VAC14: variants seen among roughly 807,000 people sequenced by gnomAD.
VAC14 encodes the protein VAC14 component of PIKFYVE complex.
Under a neutral mutation model 85.3 loss-of-function variants are expected in VAC14, and 47 were observed. The observed-to-expected ratio is 0.55, with a 90% CI of 0.44 to 0.70. The LOEUF (loss-of-function observed/expected upper bound fraction) is 0.70. Among genes scored for constraint, VAC14 ranks in the 30% least tolerant of loss-of-function variants. The pLI is 0.00. For synonymous variants in VAC14, 447 were observed against 430.5 expected, an observed-to-expected ratio of 1.04 and a Z score of -0.47; for missense variants, 861 against 1,004.3, an observed-to-expected ratio of 0.86 and a Z score of 1.93.
Position 70,780,845 on chromosome 16 carries a change from C to G in VAC14, c.1041G>C (p.Arg347Ser), listed in dbSNP as rs757489732. 12 of 1,613,768 alleles carry G rather than the reference C, an allele frequency of 7.4e-6. No individual in the cohort carries two copies. The highest frequency in any genetic ancestry group is 1.0e-5 in the Non-Finnish European group (12 of 1,179,854). Residue 347 changes from arginine (R) to serine (S), a missense_variant, in exon 9 of 19, where the codon AGG becomes AGC. Coordinates refer to ENST00000261776, the MANE Select transcript of VAC14 (RefSeq NM_018052.5). ...CATCGTCAGGGGTGGGCTCTGCCTG[C>G]CTCTGCCCAGGTCTCAGCTCATCCA... ...DELDELRPGQ[R>S]QAEPTPDDAL... is the part of the protein sequence containing the mutation.
chr16:70,748,839 G>C lies in VAC14; in HGVS notation c.1372-4260C>G, dbSNP rs530836979. 3.3e-5 allele frequency among the ~76,000 whole-genome samples: 5 copies of C among 151,138 alleles called. No individual in the cohort carries two copies. The South Asian group carries it at 1.1e-3, about 32-fold the overall frequency. ...TGCGAATCTGTAATCCTAGCTACTC[G>C]GGAGGCTGAGGCAGGAGAATTGCTT... On this transcript the variant is annotated intron_variant, in intron 12 of 18. Transcript: ENST00000261776.
In VAC14 at chr16:70,800,845, T is replaced by A; in HGVS notation, c.56A>T (p.Asn19Ile). 2 of 1,609,406 alleles carry A rather than the reference T, an allele frequency of 1.2e-6. No individual in the cohort carries two copies. The highest frequency in any genetic ancestry group is 1.7e-6 in the Non-Finnish European group (2 of 1,177,956). The part of the protein sequence containing the change: ...PLTPNIVRAL[N>I]DKLYEKRKVA... ...CTTCCGCTTTTCGTACAGCTTGTCA[T>A]TGAGGGCGCGCACGATGTTAGGCGT... is the stretch of plus-strand genomic sequence containing the variant. Residue 19 changes from asparagine (N) to isoleucine (I), a missense_variant, in exon 1 of 19, where the codon AAT becomes ATT. By Grantham distance (149) the Asn-to-Ile change is moderately radical. Coordinates refer to ENST00000261776, the MANE Select transcript of VAC14 (RefSeq NM_018052.5).
chr16:70,784,182 G>A lies in VAC14; in HGVS notation c.525C>T (p.Ser175=), dbSNP rs370053613. Residue 175 remains serine (S), a synonymous_variant, in exon 5 of 19, where the codon AGC becomes AGT. Transcript: ENST00000261776. ...TCCTCTCTCGCAACAAGGGGATGAA[G>A]CTCACCAGGTCAAACTTGTTGCTCT... is the stretch of plus-strand genomic sequence containing the variant. The part of the protein sequence containing the change: ...VTESNKFDLV[S]FIPLLRERIY... 5 of 1,614,082 alleles carry A rather than the reference G, an allele frequency of 3.1e-6. No homozygotes were observed. Among genetic ancestry groups the A allele is most frequent in the Non-Finnish European group, 3.4e-6 (4 of 1,180,040 alleles).
At chr16:70,726,884 G>A (rs1567542592) in intron 14 of VAC14, among the ~76,000 whole-genome samples, 1 of 152,198 alleles carries the variant, frequency 6.6e-6, no homozygotes, top group Non-Finnish European at 1.5e-5. Context: ...TGTGGACACC[G>A]ACAGGAAGTC....
chr16:70,730,189 A>G (rs1283081514), intron 14 of VAC14, among the ~76,000 whole-genome samples: 1 of 151,548 alleles, frequency 6.6e-6, no homozygotes, highest in Non-Finnish European at 1.5e-5. Context: ...CCCCCTCACA[A>G]GCTGCCACAG....
At position 70,739,868 on chromosome 16, in the gene VAC14, A is replaced by G. The variant is rs1229484990; in HGVS notation, c.1528+4555T>C. Among the ~76,000 whole-genome samples the G allele has an allele frequency of 4.6e-5, 7 of 152,256 alleles. No individual in the cohort carries two copies. The East Asian group carries it at 1.2e-3, about 25-fold the overall frequency. The stretch of plus-strand genomic sequence containing the variant: ...CCTGGGCTACAAGGAATGAAACCAA[A>G]TAAGAACAGGTCATTATCACCCATT... On this transcript the variant is annotated intron_variant, in intron 13 of 18. Coordinates refer to ENST00000261776, the MANE Select transcript of VAC14 (RefSeq NM_018052.5).
intron 12 of VAC14, chr16:70,747,535 C>T (rs1334802238): frequency 1.3e-5 from 2 of 149,598 alleles, no homozygotes; most frequent in Admixed American, 1.3e-4. Context: ...AAATCAGCAA[C>T]CTAATTCCTA....
At position 70,760,965 on chromosome 16, in the gene VAC14, GTGTGT is replaced by G. The variant is rs1567577353; in HGVS notation, c.1371+1570_1371+1574del. Among the ~76,000 whole-genome samples, 439 of 60,724 alleles carry G rather than the reference GTGTGT, an allele frequency of 7.2e-3. 24 individuals are homozygous for G. The highest frequency in any genetic ancestry group is 0.026 in the African/African-American group (405 of 15,604). 39.8% of individuals were successfully genotyped at this position (60,724 alleles called of 152,430 possible). On this transcript the variant is annotated intron_variant, in intron 12 of 18. Coordinates refer to ENST00000261776, the MANE Select transcript of VAC14 (RefSeq NM_018052.5). Reference sequence around the variant, plus strand: ...AGGGGGTGGTGCACGAAGAGAGGGTGTGTGTGTGTGTGTGTGTGTGTGTGTGTGTG... The same window carrying G: ...AGGGGGTGGTGCACGAAGAGAGGGTGGTGTGTGTGTGTGTGTGTGTGTGTG...
At chr16:70,697,383 G>T in intron 15 of VAC14, 126 bp from the exon 16 acceptor site, 1 of 687,998 alleles carries the variant, frequency 1.5e-6, no homozygotes. Flanking sequence ...GGCAGCCAGA[G>T]CCAGCTTAGC....
chr16:70,732,209 G>A (rs185534325), intron 13 of VAC14, among the ~76,000 whole-genome samples: 27 of 152,254 alleles, frequency 1.8e-4, no homozygotes, highest in African/African-American at 6.3e-4. Flanking sequence ...ACTCGATTAC[G>A]GACAGCAGAC....
At chr16:70,796,260 C>G (rs1209085754) in intron 1 of VAC14, among the ~76,000 whole-genome samples, 2 of 152,104 alleles carry the variant, frequency 1.3e-5, no homozygotes, top group Non-Finnish European at 2.9e-5. Context: ...ATCTGGGGGT[C>G]CTTCAGTTGA....
intron 10 of VAC14, chr16:70,769,313 C>T (rs555809836): frequency 3.0e-4 from 46 of 153,348 alleles, no homozygotes; most frequent in African/African-American, 8.2e-4. Context: ...GGTGGCCTCA[C>T]GTGGTGCCTT....
At chr16:70,789,349 T>C (rs1451252424) in intron 1 of VAC14, among the ~76,000 whole-genome samples, 1 of 152,236 alleles carries the variant, frequency 6.6e-6, no homozygotes, top group African/African-American at 2.4e-5. Context: ...GCTTCCTGCC[T>C]TCTCCCTCCT....
chr16:70,739,078 C>T (rs148385688), intron 13 of VAC14, among the ~76,000 whole-genome samples: 14 of 152,332 alleles, frequency 9.2e-5, no homozygotes, highest in African/African-American at 3.1e-4. Flanking sequence ...GCAAAGGCCC[C>T]CTTCACATGC....
At chr16:70,691,476 C>T in intron 18 of VAC14, 1 of 985,452 alleles carries the variant, frequency 1.0e-6, no homozygotes, top group Non-Finnish European at 1.2e-6. Flanking sequence ...CTCTCGGAGT[C>T]TCTCGGGAGC....
rs1304794894 is a variant in VAC14 at position 70,783,552 on chromosome 16, G to T, written c.597C>A (p.Ile199=). Residue 199 remains isoleucine (I), a splice_region_variant and synonymous_variant, in exon 6 of 19, where the codon ATC becomes ATA. Coordinates refer to ENST00000261776, the MANE Select transcript of VAC14 (RefSeq NM_018052.5). The part of the protein sequence containing the change: ...QYARQFIISW[I]LVLESVPDIN... ...TGTCTGGCACCGACTCCAGAACCAG[G>T]ATCTGACCAGGGGAAGGGAACAGGA... 1 of 1,613,538 alleles carries T rather than the reference G, an allele frequency of 6.2e-7. No individual in the cohort carries two copies. The highest frequency in any genetic ancestry group is 1.1e-5 in the South Asian group (1 of 91,090).
rs2034439599 is a variant in VAC14 at position 70,793,962 on chromosome 16, G to C, written c.104+6835C>G. On this transcript the variant is annotated intron_variant, in intron 1 of 18. Transcript: ENST00000261776. ...ATTAGAAATGAGCAGATATGACGTAGGAATGAGCATGTACTGAGCATACAG... is the reference window on the plus strand; with the variant it reads ...ATTAGAAATGAGCAGATATGACGTACGAATGAGCATGTACTGAGCATACAG... Among the ~76,000 whole-genome samples the C allele has an allele frequency of 2.0e-5, 3 of 152,166 alleles. No individual in the cohort carries two copies. In the East Asian group the frequency reaches 5.8e-4, roughly 29 times the overall value.
At chr16:70,719,040 G>A (rs1174579099) in intron 14 of VAC14, among the ~76,000 whole-genome samples, 1 of 152,236 alleles carries the variant, frequency 6.6e-6, no homozygotes, top group Non-Finnish European at 1.5e-5. Flanking sequence ...TAAGATTAGT[G>A]GTTCCCAGCT....
chr16:70,736,024 G>A (rs930888434), intron 13 of VAC14, among the ~76,000 whole-genome samples: 6 of 152,330 alleles, frequency 3.9e-5, no homozygotes, highest in Admixed American at 2.0e-4. Context: ...GGTAGGCCGT[G>A]GTGGCCTGGC....
Sources: allele counts gnomAD v4.1 joint callset (sites outside exome capture counted in the v4.1 genomes callset), GRCh38; gene constraint gnomAD v4.1.1; transcripts MANE v1.5; gene names NCBI Gene and HGNC (gene_info 2026-07-23, HGNC 2026-07-21).